Variants in SRPK2 observed in about 807,000 individuals in gnomAD.
SRPK2 encodes SRSF protein kinase 2, also known as SFRS protein kinase 2.
In SRPK2, 21 loss-of-function variants were observed where a neutral mutation model predicts 90.8. The observed-to-expected ratio is 0.23, with a 90% CI of 0.16 to 0.33. The LOEUF is 0.33. SRPK2 is among the 10% of genes least tolerant of loss of function. The pLI, the probability that SRPK2 is intolerant of heterozygous loss-of-function variation, is 1.00. For synonymous variants in SRPK2, 288 were observed against 311.1 expected, an observed-to-expected ratio of 0.93 and a Z score of 0.78; for missense variants, 620 against 869.0, an observed-to-expected ratio of 0.71 and a Z score of 3.60.
chr7:105,192,466 G>C (rs1170020008), intron 3 of SRPK2, among the ~76,000 whole-genome samples: 1 of 152,192 alleles, frequency 6.6e-6, no homozygotes, highest in Non-Finnish European at 1.5e-5. Context: ...ATTTGGGTTG[G>C]TTCCACATTT....
intron 2 of SRPK2, among the ~76,000 whole-genome samples, chr7:105,350,424 T>C (rs2132051854): frequency 6.6e-6 from 1 of 151,422 alleles, no homozygotes; most frequent in South Asian, 2.1e-4. Context: ...CCACCGCGCC[T>C]GGCCGAACAG....
chr7:105,355,919 T>C (rs183279672), intron 2 of SRPK2, among the ~76,000 whole-genome samples: 7 of 152,124 alleles, frequency 4.6e-5, no homozygotes, highest in African/African-American at 1.7e-4. Context: ...CGTGGTGGCA[T>C]CTGCCAGTAG....
intron 2 of SRPK2, among the ~76,000 whole-genome samples, chr7:105,220,263 G>A (rs1488505268): frequency 1.3e-5 from 2 of 152,132 alleles, no homozygotes; most frequent in African/African-American, 2.4e-5. Context: ...CTTGTGCCGG[G>A]TGTGGTGGCT....
At chr7:105,325,502 A>AAAT (rs1813463253) in intron 2 of SRPK2, among the ~76,000 whole-genome samples, 1 of 150,788 alleles carries the variant, frequency 6.6e-6, no homozygotes, top group Non-Finnish European at 1.5e-5. Context: ...AAAAAAAAAA[A>AAAT]AATGATGTCC....
intron 2 of SRPK2, among the ~76,000 whole-genome samples, chr7:105,209,146 A>T (rs1190029677): frequency 6.6e-6 from 1 of 152,242 alleles, no homozygotes; most frequent in Admixed American, 6.5e-5. Flanking sequence ...AGTGAAAATT[A>T]ATCTGTAATT....
intron 7 of SRPK2, among the ~76,000 whole-genome samples, chr7:105,148,446 T>G (rs1017313406): frequency 2.0e-5 from 3 of 152,250 alleles, no homozygotes; most frequent in Non-Finnish European, 4.4e-5. Context: ...CTATAATTAT[T>G]TCCACTGGAG....
chr7:105,257,183 A>G (rs768584419), intron 2 of SRPK2, among the ~76,000 whole-genome samples: 7 of 152,192 alleles, frequency 4.6e-5, no homozygotes, highest in African/African-American at 7.2e-5. Flanking sequence ...GCAGCTGCTG[A>G]AAAAAATGCT....
At chr7:105,204,225 C>A (rs1795924113) in intron 2 of SRPK2, among the ~76,000 whole-genome samples, 1 of 152,184 alleles carries the variant, frequency 6.6e-6, no homozygotes, top group South Asian at 2.1e-4. Context: ...TTCCTGTTAT[C>A]TGAAAATGAG....
upstream of SRPK2, chr7:105,389,022 G>T (rs1157485514): frequency 4.1e-6 from 4 of 974,378 alleles, no homozygotes; most frequent in Non-Finnish European, 4.8e-6. Flanking sequence ...CCGGGGGTCG[G>T]GACCCCAGCG....
chr7:105,252,851 C>A (rs988637164), intron 2 of SRPK2, among the ~76,000 whole-genome samples: 3 of 151,176 alleles, frequency 2.0e-5, no homozygotes, highest in Admixed American at 1.3e-4. Context: ...TCAAGAAATT[C>A]TCATGCCTCA....
intron 3 of SRPK2, among the ~76,000 whole-genome samples, chr7:105,197,318 T>C (rs190884440): frequency 2.6e-5 from 4 of 152,342 alleles, no homozygotes; most frequent in Non-Finnish European, 4.4e-5. Flanking sequence ...AAGAAAATAA[T>C]GTCCCTAAGT....
chr7:105,178,028 C>CAA lies in SRPK2; in HGVS notation c.230-8765_230-8764dup, dbSNP rs748165970. 3.9e-3 allele frequency among the ~76,000 whole-genome samples: 223 copies of CAA among 57,006 alleles called. 1 individual carries two copies. The highest frequency in any genetic ancestry group is 0.012 in the African/African-American group (207 of 16,784). 37.4% of individuals were successfully genotyped at this position (57,006 alleles called of 152,430 possible). On this transcript the variant is annotated intron_variant, in intron 3 of 15. Coordinates refer to ENST00000393651, the MANE Select transcript of SRPK2 (RefSeq NM_182692.3). ...TGGGCGACTGAGCGAGACTCCGTCT[C>CAA]AAAAAAAAAAAAAAAAAAAAATTCA...
chr7:105,380,521 ATTTTTTT>A (rs35323315), intron 2 of SRPK2, among the ~76,000 whole-genome samples: 1,698 of 107,332 alleles, frequency 0.016, 42 homozygotes, highest in Admixed American at 0.084. Flanking sequence ...ACATGCTAAA[ATTTTTTT>A]TTTTTTTTTT....
At chr7:105,281,061 T>C (rs1807261688) in intron 2 of SRPK2, among the ~76,000 whole-genome samples, 1 of 151,752 alleles carries the variant, frequency 6.6e-6, no homozygotes, top group Non-Finnish European at 1.5e-5. Flanking sequence ...TCTTCCTTCT[T>C]TTTTTTCTTT....
intron 3 of SRPK2, among the ~76,000 whole-genome samples, chr7:105,177,919 C>T (rs1260535418): frequency 6.6e-6 from 1 of 151,370 alleles, no homozygotes; most frequent in Non-Finnish European, 1.5e-5. Flanking sequence ...GTCCCAGCTA[C>T]TCGGGAGGCT....
At chr7:105,260,009 T>C (rs1205999048) in intron 2 of SRPK2, among the ~76,000 whole-genome samples, 1 of 152,042 alleles carries the variant, frequency 6.6e-6, no homozygotes, top group Non-Finnish European at 1.5e-5. Context: ...CCAAAAGCAA[T>C]GGCAACAAAA....
chr7:105,329,891 C>T (rs999241134), intron 2 of SRPK2, among the ~76,000 whole-genome samples: 4 of 151,416 alleles, frequency 2.6e-5, no homozygotes, highest in Non-Finnish European at 5.9e-5. Flanking sequence ...AAAAATTAGC[C>T]GGGTGTGGCG....
intron 3 of SRPK2, among the ~76,000 whole-genome samples, chr7:105,176,571 G>A (rs1304729047): frequency 7.7e-6 from 1 of 130,540 alleles, no homozygotes; most frequent in Non-Finnish European, 1.6e-5. Flanking sequence ...GTGTGTGTGT[G>A]TGTGTGTGTA....
chr7:105,187,693 A>C lies in SRPK2; in HGVS notation c.229+15935T>G, dbSNP rs76108482. Among the ~76,000 whole-genome samples, 286 of 152,240 alleles carry C rather than the reference A, an allele frequency of 1.9e-3. 1 individual carries two copies. The highest frequency in any genetic ancestry group is 6.6e-3 in the African/African-American group (276 of 41,544). On this transcript the variant is annotated intron_variant, in intron 3 of 15. Transcript: ENST00000393651. ...TGTTACCAACACAGGCAAAATTACT[A>C]TTGTCCAAGGGAAGGATTTTGGTGT...
Sources: gnomAD v4.1 joint callset for allele counts (sites outside exome capture counted in the v4.1 genomes callset) on GRCh38, gnomAD v4.1.1 for gene constraint, MANE v1.5 for transcripts, NCBI Gene and HGNC (gene_info 2026-07-23, HGNC 2026-07-21) for gene names.